Variants in TCF4 observed in about 807,000 individuals in gnomAD.
The protein encoded by TCF4 is transcription factor 4, also known as SL3-3 enhancer factor 2.
TCF4 carries 3 observed loss-of-function variants against 82.1 expected under a neutral mutation model. The ratio of observed to expected loss-of-function variants is 0.04; its 90% CI spans 0.02 to 0.09. The LOEUF is 0.09. Among genes scored for constraint, TCF4 ranks in the 10% least tolerant of loss-of-function variants. The pLI is 1.00. For missense variants in TCF4, 518 were observed against 852.7 expected (o/e 0.61, Z 4.89); for synonymous variants, 276 against 309.6 (o/e 0.89, Z 1.14).
intron 3 of TCF4, among the ~76,000 whole-genome samples, chr18:55,466,626 A>G (rs942764087): frequency 2.8e-4 from 43 of 152,226 alleles, no homozygotes; most frequent in African/African-American, 1.0e-3. Context: ...TTTATAATTT[A>G]GTAAGAACTC....
At chr18:55,421,060 A>C (rs1453054994) in intron 5 of TCF4, among the ~76,000 whole-genome samples, 1 of 152,142 alleles carries the variant, frequency 6.6e-6, no homozygotes. Context: ...CAGTTTGCCC[A>C]CACAAAAAAA....
chr18:55,242,889 T>C (rs1307956474), intron 15 of TCF4, among the ~76,000 whole-genome samples: 3 of 152,180 alleles, frequency 2.0e-5, no homozygotes, highest in Non-Finnish European at 2.9e-5. Flanking sequence ...ATTACAGGCC[T>C]GAACCACCGC....
At chr18:55,403,910 G>T in intron 5 of TCF4, 13 of 1,424,032 alleles carry the variant, frequency 9.1e-6, no homozygotes, top group Non-Finnish European at 1.2e-5. Flanking sequence ...TGATTATATT[G>T]ACACTTAATA....
intron 3 of TCF4, among the ~76,000 whole-genome samples, chr18:55,566,634 A>C (rs2097409819): frequency 1.3e-5 from 2 of 152,218 alleles, no homozygotes; most frequent in Admixed American, 6.5e-5. Flanking sequence ...CGTTAGAGAA[A>C]CCTGAAGGGA....
At chr18:55,566,387 T>C (rs1056578648) in intron 3 of TCF4, among the ~76,000 whole-genome samples, 4 of 152,130 alleles carry the variant, frequency 2.6e-5, no homozygotes, top group Admixed American at 2.6e-4. Context: ...CTGCACAATC[T>C]ATGCATGTCA....
intron 3 of TCF4, among the ~76,000 whole-genome samples, chr18:55,499,101 A>G (rs2096669106): frequency 6.6e-6 from 1 of 152,208 alleles, no homozygotes. Flanking sequence ...ATGTAATGAA[A>G]GGCACCCATT....
intron 8 of TCF4, among the ~76,000 whole-genome samples, chr18:55,315,937 C>G (rs562894714): frequency 6.6e-6 from 1 of 151,686 alleles, no homozygotes; most frequent in Admixed American, 6.6e-5. Context: ...ACAGATATCC[C>G]TTTTTTTTAA....
intron 2 of TCF4, among the ~76,000 whole-genome samples, chr18:55,598,100 G>T (rs751461659): frequency 1.3e-5 from 2 of 152,152 alleles, no homozygotes; most frequent in African/African-American, 2.4e-5. Context: ...GTTATCAAGT[G>T]GTAAAATCAT....
intron 4 of TCF4, 99 bp downstream of exon 4, chr18:55,463,977 T>TGTGTGTGAGAGA: frequency 6.6e-6 from 2 of 302,970 alleles, no homozygotes; most frequent in East Asian, 8.0e-5. Flanking sequence ...TGTGTGTGTG[T>TGTGTGTGAGAGA]GAGAGAGAGA....
Position 55,225,214 on chromosome 18 carries a change from A to G in TCF4, c.*2821T>C, listed in dbSNP as rs2046439654. On this transcript the variant is annotated 3_prime_UTR_variant, in exon 20 of 20. Transcript: ENST00000354452. The stretch of plus-strand genomic sequence containing the variant: ...CACTTATTTCCAAAGGGAATTCAAC[A>G]ATAGAGGTATTGCATTACTGAGTAA... 6.6e-6 allele frequency: 1 copy of G among 152,622 alleles called. No homozygotes were observed. The highest frequency in any genetic ancestry group is 2.1e-4 in the South Asian group (1 of 4,832). The allele number at this position is 152,622 out of a possible 1,614,324, so 9.5% of individuals were successfully genotyped here. A position where few individuals can be genotyped will look rare whatever the true frequency, so the allele number is the denominator to read the frequency against.
chr18:55,440,214 T>C (rs2095414495), intron 5 of TCF4, among the ~76,000 whole-genome samples: 1 of 152,218 alleles, frequency 6.6e-6, no homozygotes. Context: ...GTCTAACAAA[T>C]TAACTAGATA....
At chr18:55,613,061 C>A (rs2097708606) in intron 2 of TCF4, among the ~76,000 whole-genome samples, 1 of 152,076 alleles carries the variant, frequency 6.6e-6, no homozygotes, top group Non-Finnish European at 1.5e-5. Flanking sequence ...CCCCTCCTAC[C>A]TTATTTCATA....
intron 3 of TCF4, chr18:55,550,699 C>G (rs935459905): frequency 4.6e-5 from 7 of 152,172 alleles, no homozygotes; most frequent in Non-Finnish European, 1.0e-4. Flanking sequence ...GCATGACCAG[C>G]TGTGGAGAAA....
chr18:55,429,031 G>A lies in TCF4; in HGVS notation c.305-25513C>T, dbSNP rs753290707. Among the ~76,000 whole-genome samples the A allele has an allele frequency of 5.9e-5, 9 of 152,088 alleles. 1 individual carries two copies. Among genetic ancestry groups the A allele is most frequent in the East Asian group, 1.9e-4 (1 of 5,186 alleles). ...CTAATTAAGCAAAACTGTAAAAACC[G>A]AGCATATTAAATATATTTTGTCAAT... On this transcript the variant is annotated intron_variant, in intron 5 of 19. Transcript: ENST00000354452.
chr18:55,402,021 G>A lies in TCF4; in HGVS notation c.369+1433C>T, dbSNP rs375046306. On this transcript the variant is annotated intron_variant, in intron 6 of 19. Coordinates refer to ENST00000354452, the MANE Select transcript of TCF4 (RefSeq NM_001083962.2). Reference sequence around the variant, plus strand: ...GAGACACAGCACTCAGAGGCTTGTCGCCCAGGCTATCTAGCCCGAACATTT... The same window carrying A: ...GAGACACAGCACTCAGAGGCTTGTCACCCAGGCTATCTAGCCCGAACATTT... 55 of 984,806 alleles carry A rather than the reference G, an allele frequency of 5.6e-5. No individual in the cohort carries two copies. In the East Asian group the frequency reaches 2.8e-3, roughly 51 times the overall value. The allele number at this position is 984,806 out of a possible 1,614,324, so 61.0% of individuals were successfully genotyped here. A position where few individuals can be genotyped will look rare whatever the true frequency, so the allele number is the denominator to read the frequency against.
At chr18:55,406,869 G>A (rs1350960825) in intron 5 of TCF4, among the ~76,000 whole-genome samples, 1 of 152,144 alleles carries the variant, frequency 6.6e-6, no homozygotes, top group Non-Finnish European at 1.5e-5. Flanking sequence ...CAACCCTCCG[G>A]TACTAGAATG....
chr18:55,300,683 C>T (rs2067968384), intron 8 of TCF4, among the ~76,000 whole-genome samples: 1 of 152,148 alleles, frequency 6.6e-6, no homozygotes, highest in Non-Finnish European at 1.5e-5. Flanking sequence ...ATATGAGCCA[C>T]AAAATAGAAA....
At chr18:55,251,642 G>T (rs2055130685) in intron 15 of TCF4, among the ~76,000 whole-genome samples, 1 of 152,168 alleles carries the variant, frequency 6.6e-6, no homozygotes, top group Non-Finnish European at 1.5e-5. Flanking sequence ...AGGAATTACT[G>T]AGGAGAGTTA....
chr18:55,333,645 A>G (rs2078030334), intron 8 of TCF4, among the ~76,000 whole-genome samples: 1 of 152,194 alleles, frequency 6.6e-6, no homozygotes. Context: ...CAGCACTTCC[A>G]CTTGCCCCAT....
Sources: allele counts gnomAD v4.1 joint callset (sites outside exome capture counted in the v4.1 genomes callset), GRCh38; gene constraint gnomAD v4.1.1; transcripts MANE v1.5; gene names NCBI Gene and HGNC (gene_info 2026-07-23, HGNC 2026-07-21).